EPB41L3: variants seen among roughly 807,000 people sequenced by gnomAD.
The protein encoded by EPB41L3 is band 4.1-like protein 3.
A neutral mutation model predicts 127.1 loss-of-function variants in EPB41L3; 57 were observed. That is an observed-to-expected ratio of 0.45 (90% CI 0.36 to 0.56). The LOEUF (loss-of-function observed/expected upper bound fraction) is 0.56, where lower values mean the gene tolerates loss of function less well. Among genes scored for constraint, EPB41L3 ranks in the 20% least tolerant of loss-of-function variants. EPB41L3 has a pLI of 0.00. For synonymous variants in EPB41L3, 572 were observed against 549.5 expected, an observed-to-expected ratio of 1.04 and a Z score of -0.57; for missense variants, 1,273 against 1,372.2, an observed-to-expected ratio of 0.93 and a Z score of 1.14.
In EPB41L3 at chr18:5,403,205, T is replaced by C. The variant is rs921024805; in HGVS notation, c.2349+3572A>G. 2.4e-4 allele frequency among the ~76,000 whole-genome samples: 37 copies of C among 152,186 alleles called. 1 individual carries two copies. The highest frequency in any genetic ancestry group is 8.9e-4 in the African/African-American group (37 of 41,448). ...TACCACATGTCTACCCTTCCTATGT[T>C]TGGTGGGCCCTGTGTGTGGGTTTAT... On this transcript the variant is annotated intron_variant, in intron 16 of 22. Transcript: ENST00000341928.
At chr18:5,408,060 G>T (rs1050917477) in intron 14 of EPB41L3, among the ~76,000 whole-genome samples, 1 of 152,136 alleles carries the variant, frequency 6.6e-6, no homozygotes, top group Admixed American at 6.5e-5. Flanking sequence ...AGGAAGTGGG[G>T]GGAGCCAGAT....
chr18:5,447,266 T>C (rs1253304702), intron 3 of EPB41L3, among the ~76,000 whole-genome samples: 1 of 152,136 alleles, frequency 6.6e-6, no homozygotes, highest in Non-Finnish European at 1.5e-5. Context: ...ATGTCAGCTA[T>C]TATTATAGCC....
At chr18:5,429,175 T>C (rs2078639161) in intron 8 of EPB41L3, 1 of 152,170 alleles carries the variant, frequency 6.6e-6, no homozygotes, top group South Asian at 2.1e-4. Context: ...CTTAGCAATA[T>C]GGCTCACATA....
intron 2 of EPB41L3, among the ~76,000 whole-genome samples, chr18:5,478,916 T>A (rs2087815153): frequency 6.6e-6 from 1 of 152,238 alleles, no homozygotes; most frequent in Non-Finnish European, 1.5e-5. Flanking sequence ...CAAGTATTAA[T>A]CTTTTCAGTA....
intron 1 of EPB41L3, among the ~76,000 whole-genome samples, chr18:5,504,035 A>C: frequency 6.6e-6 from 1 of 152,328 alleles, no homozygotes; most frequent in Non-Finnish European, 1.5e-5. Flanking sequence ...TTTCCAAAGA[A>C]GTGCCTCCCT....
intron 1 of EPB41L3, among the ~76,000 whole-genome samples, chr18:5,495,594 CTT>C (rs1489637624): frequency 2.7e-5 from 4 of 146,912 alleles, no homozygotes; most frequent in Admixed American, 2.7e-4. Flanking sequence ...GGAAAGAACA[CTT>C]GTCTGATTAA....
chr18:5,597,633 T>C (rs2094549891), intron 3 of EPB41L3, among the ~76,000 whole-genome samples: 2 of 152,202 alleles, frequency 1.3e-5, no homozygotes, highest in South Asian at 4.1e-4. Flanking sequence ...ATAACCACTA[T>C]AAATGGTTCT....
rs748435967 is a variant in EPB41L3, at chr18:5,397,402, T to C, written c.2497A>G (p.Ser833Gly). Residue 833 changes from serine to glycine, a missense_variant, in exon 18 of 23, where the codon AGT becomes GGT. Physicochemically the swap from Ser to Gly is moderately conservative, Grantham distance 56 (BLOSUM62 0). Coordinates refer to ENST00000341928, the MANE Select transcript of EPB41L3 (RefSeq NM_012307.5). The surrounding 1 kb of genome is among the most constrained non-coding windows in gnomAD (Gnocchi z 4.1). ...VQKMETKTES[S>G]GIETEPTVHH... ...ACGGTGGGTTCCGTCTCTATTCCAC[T>C]GGACTCCGTCTTGGTTTCCATTTTC... The C allele has an allele frequency of 2.0e-5, 33 of 1,612,086 alleles. No homozygotes were observed. Among genetic ancestry groups the C allele is most frequent in the Middle Eastern group, 1.7e-4 (1 of 6,044 alleles).
At chr18:5,433,187 T>C (rs1472126414) in intron 8 of EPB41L3, among the ~76,000 whole-genome samples, 3 of 152,198 alleles carry the variant, frequency 2.0e-5, no homozygotes, top group Non-Finnish European at 4.4e-5. Flanking sequence ...GGTAGGTTTC[T>C]AACTGCATCA....
chr18:5,547,937 C>T (rs990058963), upstream of EPB41L3, among the ~76,000 whole-genome samples: 5 of 152,206 alleles, frequency 3.3e-5, no homozygotes, highest in African/African-American at 1.2e-4. Flanking sequence ...CTTATCTGAA[C>T]TTTGCTCTCA....
chr18:5,459,634 T>C (rs759334435), intron 3 of EPB41L3, among the ~76,000 whole-genome samples: 4 of 152,212 alleles, frequency 2.6e-5, no homozygotes, highest in African/African-American at 4.8e-5. Flanking sequence ...ATCTACTGAA[T>C]GAGAATGTTT....
Position 5,610,211 on chromosome 18 carries a change from T to G in EPB41L3, c.-306+2129A>C, listed in dbSNP as rs189746712. ...AGATGATTGGCAGGTCCATATTCCA[T>G]GTTCCAAGTGAGACAAGAAGGGTGA... On this transcript the variant is annotated intron_variant, in intron 3 of 21. Coordinates refer to the EPB41L3 transcript ENST00000545076. The G allele has an allele frequency of 1.5e-3, 1,501 of 985,390 alleles. 1 individual carries two copies. Among genetic ancestry groups the G allele is most frequent in the South Asian group, 2.3e-3 (49 of 21,288 alleles). 61.0% of individuals were successfully genotyped at this position (985,390 alleles called of 1,614,324 possible). A position where few individuals can be genotyped will look rare whatever the true frequency, so the allele number is the denominator to read the frequency against.
intron 2 of EPB41L3, among the ~76,000 whole-genome samples, chr18:5,613,280 T>C (rs759100403): frequency 4.6e-5 from 7 of 152,108 alleles, no homozygotes; most frequent in African/African-American, 1.7e-4. Flanking sequence ...AGAGTTACAG[T>C]AACAAAAATG....
Position 5,602,531 on chromosome 18 carries a change from A to C in EPB41L3, c.-306+9809T>G, listed in dbSNP as rs545025334. Among the ~76,000 whole-genome samples, 7 of 152,234 alleles carry C rather than the reference A, an allele frequency of 4.6e-5. No homozygotes were observed. In the South Asian group the frequency reaches 1.5e-3, roughly 32 times the overall value. On this transcript the variant is annotated intron_variant, in intron 3 of 21. Transcript: ENST00000545076. ...TGCATCATAGCTCACCGTAGCCTCA[A>C]ACTCCTGGGCTCAAGCGATCTTCCC...
rs533707232 is a variant in EPB41L3 at position 5,596,045 on chromosome 18, A to G, written c.-306+16295T>C. 5.3e-5 allele frequency among the ~76,000 whole-genome samples: 8 copies of G among 152,340 alleles called. No homozygotes were observed. The South Asian group carries it at 1.7e-3, about 32-fold the overall frequency. On this transcript the variant is annotated intron_variant, in intron 3 of 21. Coordinates refer to the EPB41L3 transcript ENST00000545076. ...TTTATTTGTGTTTAAACAATGAGGT[A>G]TAAGAGCTTCCTGAGATGCTTAAAC... is the stretch of plus-strand genomic sequence containing the variant.
chr18:5,436,671 G>A (rs2145931885), intron 6 of EPB41L3, among the ~76,000 whole-genome samples: 1 of 152,178 alleles, frequency 6.6e-6, no homozygotes, highest in South Asian at 2.1e-4. Context: ...GCCTCCCAAA[G>A]TGCTGGGATT....
At chr18:5,604,579 G>A (rs1419337814) in intron 3 of EPB41L3, among the ~76,000 whole-genome samples, 3 of 151,998 alleles carry the variant, frequency 2.0e-5, no homozygotes, top group South Asian at 2.1e-4. Flanking sequence ...TCAGCCACCC[G>A]AGTAGCTGGG....
At position 5,394,677 on chromosome 18, in the gene EPB41L3, C is replaced by T. The variant is rs746462713; in HGVS notation, c.*6G>A. ...CTAGAGAATCGGCATCACCTCTTACCTCTGGTCAATCCTCTCCATCTTCTG... is the reference window on the plus strand; with the variant it reads ...CTAGAGAATCGGCATCACCTCTTACTTCTGGTCAATCCTCTCCATCTTCTG... On this transcript the variant is annotated splice_region_variant and 3_prime_UTR_variant, in exon 22 of 23. Transcript: ENST00000341928. 2 of 1,612,804 alleles carry T rather than the reference C, an allele frequency of 1.2e-6. No homozygotes were observed. Among genetic ancestry groups the T allele is most frequent in the Non-Finnish European group, 1.7e-6 (2 of 1,178,924 alleles).
chr18:5,591,535 C>T (rs1344611950), intron 3 of EPB41L3, among the ~76,000 whole-genome samples: 15 of 152,196 alleles, frequency 9.9e-5, no homozygotes, highest in Admixed American at 9.2e-4. Context: ...CTAATAGTAT[C>T]ACTGCAGGTG....
Sources: allele counts gnomAD v4.1 joint callset (sites outside exome capture counted in the v4.1 genomes callset), GRCh38; gene constraint gnomAD v4.1.1; non-coding constraint Gnocchi (gnomAD v3.1); transcripts MANE v1.5; gene names NCBI Gene and HGNC (gene_info 2026-07-23, HGNC 2026-07-21).